The following MED13L variants were observed in gnomAD, a reference collection of about 807,000 sequenced individuals.
MED13L encodes the protein mediator complex subunit 13L, also known as mediator of RNA polymerase II transcription subunit 13-like.
MED13L carries 7 observed loss-of-function variants against 220.9 expected under a neutral mutation model. The observed-to-expected ratio is 0.03, with a 90% confidence interval of 0.02 to 0.06. MED13L has a LOEUF of 0.06. Ranked by LOEUF, MED13L falls within the 10% of genes least tolerant of loss-of-function variation. MED13L has a pLI of 1.00. For missense variants in MED13L, 1,965 were observed against 2,760.5 expected (o/e 0.71, Z 6.46); for synonymous variants, 1,011 against 1,015.2 (o/e 1.00, Z 0.08).
intron 4 of MED13L, among the ~76,000 whole-genome samples, chr12:116,078,202 A>T (rs1870964278): frequency 6.6e-6 from 1 of 151,982 alleles, no homozygotes; most frequent in Non-Finnish European, 1.5e-5. Context: ...TGTGCATATG[A>T]ATTATTATGA....
At chr12:116,015,317 G>A (rs1879661641) in intron 7 of MED13L, 43 bp from the exon 8 acceptor site, 3 of 1,599,250 alleles carry the variant, frequency 1.9e-6, no homozygotes, top group South Asian at 1.1e-5. Flanking sequence ...TTTCTGAAAA[G>A]GTTTCCTACT....
intron 7 of MED13L, 40 bp downstream of exon 7, chr12:116,019,184 G>A (rs765901720): frequency 1.9e-5 from 30 of 1,589,044 alleles, no homozygotes; most frequent in Non-Finnish European, 3.4e-6. Context: ...ACAATTGTCT[G>A]AGATCTCTTC....
chr12:116,256,748 T>C (rs1872094529), intron 1 of MED13L, among the ~76,000 whole-genome samples: 1 of 149,488 alleles, frequency 6.7e-6, no homozygotes, highest in Non-Finnish European at 1.5e-5. Flanking sequence ...TGCAGTGGAT[T>C]GATCTCAGCT....
chr12:115,991,687 T>C lies in MED13L; in HGVS notation c.3267A>G (p.Thr1089=). 4 of 1,613,754 alleles carry C rather than the reference T, an allele frequency of 2.5e-6. No individual in the cohort carries two copies. In the South Asian group the frequency reaches 4.4e-5, roughly 18 times the overall value. Residue 1089 remains threonine, a synonymous_variant, in exon 17 of 31, where the codon ACA becomes ACG. Transcript: ENST00000281928. This position sits in a 1 kb window ranked among gnomAD's most constrained non-coding sequence, Gnocchi z 7.7. The stretch of plus-strand genomic sequence containing the variant: ...CGGGCTCCACAGAGTTGAGGGGCCG[T>C]GTAGTAGAGGGGGTGGAGGCTGGTG... ...QGSPASTPST[T]RPLNSVEPAT...
chr12:116,167,047 A>C (rs1407868619), intron 2 of MED13L, among the ~76,000 whole-genome samples: 1 of 152,184 alleles, frequency 6.6e-6, no homozygotes, highest in Non-Finnish European at 1.5e-5. Context: ...TTTATATCAC[A>C]AAATTCGATG....
intron 4 of MED13L, among the ~76,000 whole-genome samples, chr12:116,065,200 T>C (rs1243175618): frequency 6.6e-6 from 1 of 152,202 alleles, no homozygotes; most frequent in Non-Finnish European, 1.5e-5. Context: ...TCCACTATAA[T>C]CTTTTGGGAC....
intron 2 of MED13L, among the ~76,000 whole-genome samples, chr12:116,145,305 A>T (rs1431686690): frequency 6.6e-6 from 1 of 152,226 alleles, no homozygotes; most frequent in African/African-American, 2.4e-5. Flanking sequence ...TGGTGTGCAT[A>T]CAAAGATTTC....
At chr12:116,223,768 A>T (rs985550072) in intron 2 of MED13L, among the ~76,000 whole-genome samples, 1 of 152,080 alleles carries the variant, frequency 6.6e-6, no homozygotes, top group Non-Finnish European at 1.5e-5. Flanking sequence ...GTTTTTTCAA[A>T]ATGCAGTTAA....
intron 1 of MED13L, among the ~76,000 whole-genome samples, chr12:116,250,402 A>G (rs1396343741): frequency 2.3e-5 from 3 of 129,582 alleles, no homozygotes; most frequent in Non-Finnish European, 5.1e-5. Context: ...GACACAAGAT[A>G]GAAACCTGGA....
intron 4 of MED13L, among the ~76,000 whole-genome samples, chr12:116,087,934 G>C (rs1273556544): frequency 6.6e-6 from 1 of 152,054 alleles, no homozygotes; most frequent in African/African-American, 2.4e-5. Context: ...CCTAAAATAC[G>C]TATCAGGTTC....
chr12:116,075,971 T>C (rs1870763057), intron 4 of MED13L, among the ~76,000 whole-genome samples: 1 of 148,722 alleles, frequency 6.7e-6, no homozygotes, highest in Non-Finnish European at 1.5e-5. Flanking sequence ...TGGAGTGCAG[T>C]GGCGCGATCT....
At chr12:116,227,777 T>C (rs185063628) in intron 2 of MED13L, among the ~76,000 whole-genome samples, 5 of 152,242 alleles carry the variant, frequency 3.3e-5, no homozygotes, top group South Asian at 2.1e-4. Flanking sequence ...CATTAAATGT[T>C]CAAGTGAAAA....
At chr12:116,113,663 AAAAT>A (rs1473118061) in intron 2 of MED13L, among the ~76,000 whole-genome samples, 2 of 146,690 alleles carry the variant, frequency 1.4e-5, no homozygotes, top group Non-Finnish European at 3.0e-5. Context: ...TGTCTCATAA[AAAAT>A]AAATAAAAAG....
At chr12:116,120,012 G>A (rs1021543701) in intron 2 of MED13L, among the ~76,000 whole-genome samples, 1 of 151,540 alleles carries the variant, frequency 6.6e-6, no homozygotes, top group African/African-American at 2.4e-5. Flanking sequence ...AATTCCTCAA[G>A]GGGAAGCAAT....
At chr12:116,175,767 AAAG>A (rs1218931864) in intron 2 of MED13L, among the ~76,000 whole-genome samples, 3 of 152,282 alleles carry the variant, frequency 2.0e-5, no homozygotes, top group Admixed American at 6.5e-5. Flanking sequence ...ACAAGTGAAG[AAAG>A]AAGGAGGAAT....
At chr12:116,010,889 T>C (rs1879352141) in intron 9 of MED13L, among the ~76,000 whole-genome samples, 1 of 151,728 alleles carries the variant, frequency 6.6e-6, no homozygotes, top group Non-Finnish European at 1.5e-5. Flanking sequence ...TTTCTTTTTT[T>C]TTTTTTTTGA....
In MED13L at chr12:115,961,132, A is replaced by G. The variant is rs1875728985; in HGVS notation, c.*134T>C. 4.3e-6 allele frequency: 5 copies of G among 1,161,882 alleles called. No homozygotes were observed. Among genetic ancestry groups the G allele is most frequent in the Non-Finnish European group, 6.4e-6 (5 of 787,046 alleles). The allele number at this position is 1,161,882 out of a possible 1,614,324, so 72.0% of individuals were successfully genotyped here. A position where few individuals can be genotyped will look rare whatever the true frequency, so the allele number is the denominator to read the frequency against. Reference sequence around the variant, plus strand: ...GCAGAATTGACATGTGCCTGCTGAGAAGGAATCACAGTGCAGGACTGTGGA... The same window carrying G: ...GCAGAATTGACATGTGCCTGCTGAGGAGGAATCACAGTGCAGGACTGTGGA... On this transcript the variant is annotated 3_prime_UTR_variant, in exon 31 of 31. Transcript: ENST00000281928.
chr12:115,965,956 G>A (rs868482417), intron 29 of MED13L, 126 bp downstream of exon 29: 1 of 1,207,270 alleles, frequency 8.3e-7, no homozygotes, highest in Non-Finnish European at 1.2e-6. Context: ...CAGAGTATAA[G>A]TAGATACAAG....
chr12:116,053,477 A>C (rs1040355604), intron 4 of MED13L, among the ~76,000 whole-genome samples: 1 of 152,232 alleles, frequency 6.6e-6, no homozygotes, highest in African/African-American at 2.4e-5. Context: ...CTGGATGCTT[A>C]GAAAGGAAGG....
Sources: gnomAD v4.1 joint callset for allele counts (sites outside exome capture counted in the v4.1 genomes callset) on GRCh38, gnomAD v4.1.1 for gene constraint, Gnocchi (gnomAD v3.1) non-coding constraint, MANE v1.5 for transcripts, NCBI Gene and HGNC (gene_info 2026-07-23, HGNC 2026-07-21) for gene names.